SAMTOR: variants seen among roughly 807,000 people sequenced by gnomAD.
SAMTOR encodes the protein S-adenosylmethionine sensor upstream of mTORC1.
At chr7:112,850,024 T>G in the SAMTOR span, among the ~76,000 whole-genome samples, 1 of 152,110 alleles carries the variant, frequency 6.6e-6, no homozygotes, top group Non-Finnish European at 1.5e-5. Flanking sequence ...CTGACCAATG[T>G]GGAGAAACTC....
At chr7:112,893,414 A>G in the SAMTOR span, among the ~76,000 whole-genome samples, 1 of 152,138 alleles carries the variant, frequency 6.6e-6, no homozygotes, top group Non-Finnish European at 1.5e-5. Flanking sequence ...AGACCTCATG[A>G]ACCAACCTCT....
the SAMTOR span, among the ~76,000 whole-genome samples, chr7:112,826,399 T>C: frequency 4.6e-5 from 7 of 152,182 alleles, no homozygotes; most frequent in African/African-American, 7.2e-5. Flanking sequence ...GCTTTGGTGG[T>C]TATGTCTTTC....
At chr7:112,886,628 T>C in the SAMTOR span, among the ~76,000 whole-genome samples, 1 of 152,228 alleles carries the variant, frequency 6.6e-6, no homozygotes, top group Non-Finnish European at 1.5e-5. Flanking sequence ...AAAGTCTCTA[T>C]GCTATTCAGC....
the SAMTOR span, among the ~76,000 whole-genome samples, chr7:112,898,195 A>G: frequency 6.6e-6 from 1 of 152,316 alleles, no homozygotes; most frequent in South Asian, 2.1e-4. Context: ...GGCTGAATAA[A>G]GTGGCCCTGG....
the SAMTOR span, among the ~76,000 whole-genome samples, chr7:112,936,790 T>C: frequency 6.6e-6 from 1 of 152,100 alleles, no homozygotes; most frequent in Non-Finnish European, 1.5e-5. Flanking sequence ...ACCCTCACCT[T>C]GTATAGCCCC....
At chr7:112,915,575 T>C in the SAMTOR span, 3 of 557,212 alleles carry the variant, frequency 5.4e-6, no homozygotes, top group Admixed American at 4.3e-5. Context: ...AACCATAAAA[T>C]TTTAAACATT....
chr7:112,931,332 C>T, the SAMTOR span, among the ~76,000 whole-genome samples: 2 of 150,066 alleles, frequency 1.3e-5, no homozygotes, highest in Non-Finnish European at 3.0e-5. Context: ...CAAAACAAAT[C>T]AATGCATGGA....
the SAMTOR span, among the ~76,000 whole-genome samples, chr7:112,903,196 C>T: frequency 6.6e-6 from 1 of 151,836 alleles, no homozygotes; most frequent in Middle Eastern, 3.2e-3. Context: ...GCCTGTAATC[C>T]CAGCTACTCG....
chr7:112,919,571 TAGC>T, the SAMTOR span, among the ~76,000 whole-genome samples: 7 of 152,030 alleles, frequency 4.6e-5, no homozygotes, highest in African/African-American at 1.7e-4. Flanking sequence ...ATTCAAAAGC[TAGC>T]AGAAGGCAAG....
the SAMTOR span, among the ~76,000 whole-genome samples, chr7:112,849,805 A>G: frequency 6.6e-6 from 1 of 152,312 alleles, no homozygotes; most frequent in East Asian, 1.9e-4. Context: ...GTTTTATGAA[A>G]GAATGCTGGA....
At chr7:112,837,111 T>C in the SAMTOR span, among the ~76,000 whole-genome samples, 2 of 151,904 alleles carry the variant, frequency 1.3e-5, no homozygotes, top group Non-Finnish European at 2.9e-5. Context: ...TCATCTCTGA[T>C]TCGAGCATTG....
chr7:112,902,692 T>G, the SAMTOR span, among the ~76,000 whole-genome samples: 1 of 152,106 alleles, frequency 6.6e-6, no homozygotes, highest in African/African-American at 2.4e-5. Context: ...ACTCTAGTGC[T>G]GGATGTTGAC....
At chr7:112,918,335 T>C in the SAMTOR span, among the ~76,000 whole-genome samples, 2 of 152,220 alleles carry the variant, frequency 1.3e-5, no homozygotes, top group African/African-American at 4.8e-5. Context: ...GAATTTCATA[T>C]GCAGCCAAAC....
chr7:112,924,221 A>G, the SAMTOR span, among the ~76,000 whole-genome samples: 1 of 151,962 alleles, frequency 6.6e-6, no homozygotes, highest in African/African-American at 2.4e-5. Flanking sequence ...AAAAAACTAT[A>G]AATAGAACAG....
the SAMTOR span, among the ~76,000 whole-genome samples, chr7:112,848,059 G>A: frequency 1.2e-4 from 19 of 152,128 alleles, no homozygotes; most frequent in Admixed American, 1.2e-3. Context: ...AGGCTGAGGT[G>A]GGAGGATCGC....
the SAMTOR span, among the ~76,000 whole-genome samples, chr7:112,923,014 T>C: frequency 6.6e-6 from 1 of 151,406 alleles, no homozygotes; most frequent in Non-Finnish European, 1.5e-5. Flanking sequence ...ATGATGACAA[T>C]AGCGGTTTTG....
At chr7:112,850,709 G>T in the SAMTOR span, among the ~76,000 whole-genome samples, 1 of 152,138 alleles carries the variant, frequency 6.6e-6, no homozygotes, top group Non-Finnish European at 1.5e-5. Context: ...CAAGACTCAA[G>T]GCATCTCTGA....
the SAMTOR span, among the ~76,000 whole-genome samples, chr7:112,878,369 T>C: frequency 6.6e-6 from 1 of 152,154 alleles, no homozygotes; most frequent in Non-Finnish European, 1.5e-5. Context: ...AGGCAAATAA[T>C]GTTTTAGTAT....
chr7:112,912,950 G>T, the SAMTOR span, among the ~76,000 whole-genome samples: 1 of 152,168 alleles, frequency 6.6e-6, no homozygotes, highest in Non-Finnish European at 1.5e-5. Context: ...GGGCCTGCCT[G>T]CTGTACTGTA....
Sources: allele counts gnomAD v4.1 joint callset (sites outside exome capture counted in the v4.1 genomes callset), GRCh38; gene constraint gnomAD v4.1.1; transcripts MANE v1.5; gene names NCBI Gene and HGNC (gene_info 2026-07-23, HGNC 2026-07-21).